FHIT: variants seen among roughly 807,000 people sequenced by gnomAD.
FHIT encodes fragile histidine triad diadenosine triphosphatase.
Under a neutral mutation model 17.9 loss-of-function variants are expected in FHIT, and 19 were observed. The ratio of observed to expected loss-of-function variants is 1.06; its 90% CI spans 0.74 to 1.56. The LOEUF (loss-of-function observed/expected upper bound fraction) is 1.56, where lower values mean the gene tolerates loss of function less well. Among genes scored for constraint, FHIT ranks in the 40% most tolerant of loss-of-function variants. FHIT has a pLI of 0.00. For synonymous variants in FHIT, 81 were observed against 69.7 expected (o/e 1.16, Z -0.81); for missense variants, 248 against 189.2 (o/e 1.31, Z -1.82).
intron 5 of FHIT, among the ~76,000 whole-genome samples, chr3:60,398,105 G>C (rs1701521884): frequency 6.6e-6 from 1 of 152,016 alleles, no homozygotes; most frequent in African/African-American, 2.4e-5. Flanking sequence ...AATTCCTCCT[G>C]GTTGTGAGAC....
intron 4 of FHIT, among the ~76,000 whole-genome samples, chr3:60,758,652 TA>T (rs1183553936): frequency 6.6e-6 from 1 of 152,222 alleles, no homozygotes; most frequent in Non-Finnish European, 1.5e-5. Context: ...AGCTGTCGCT[TA>T]AAAATTTAGA....
chr3:60,322,785 T>C (rs897859785), intron 5 of FHIT, among the ~76,000 whole-genome samples: 10 of 152,158 alleles, frequency 6.6e-5, no homozygotes, highest in African/African-American at 1.7e-4. Flanking sequence ...GAGGAGGAAG[T>C]ACTATTTTTG....
intron 4 of FHIT, among the ~76,000 whole-genome samples, chr3:60,722,895 T>C (rs1298826999): frequency 6.6e-6 from 1 of 152,028 alleles, no homozygotes; most frequent in Non-Finnish European, 1.5e-5. Flanking sequence ...GCGAATTTTT[T>C]GTAGTTTTAG....
chr3:60,687,160 C>G (rs1310663632), intron 4 of FHIT, among the ~76,000 whole-genome samples: 2 of 152,170 alleles, frequency 1.3e-5, no homozygotes, highest in Non-Finnish European at 2.9e-5. Flanking sequence ...TAAGCTCCTC[C>G]TATTTCTAGC....
At position 60,164,132 on chromosome 3, in the gene FHIT, C is replaced by A. The variant is rs553609885; in HGVS notation, c.104-149980G>T. 4.6e-5 allele frequency among the ~76,000 whole-genome samples: 7 copies of A among 152,248 alleles called. No homozygotes were observed. In the South Asian group the frequency reaches 1.5e-3, roughly 32 times the overall value. On this transcript the variant is annotated intron_variant, in intron 5 of 9. Coordinates refer to ENST00000492590, the MANE Select transcript of FHIT (RefSeq NM_002012.4). ...ACTTAAGTAGGTAGCTAGTGGAAGACTGCTGAAGCTTTTTTGAATAAAAAA... is the reference window on the plus strand; with the variant it reads ...ACTTAAGTAGGTAGCTAGTGGAAGAATGCTGAAGCTTTTTTGAATAAAAAA...
rs746175446 is a variant in FHIT, at chr3:61,090,713, C to G, written c.-163-48614G>C. The stretch of plus-strand genomic sequence containing the variant: ...AAATAGATAGAGGCATCAACAATCA[C>G]AAGAGGGAAAGGGATGATATATGTT... On this transcript the variant is annotated intron_variant, in intron 2 of 9. Transcript: ENST00000492590. Among the ~76,000 whole-genome samples the G allele has an allele frequency of 2.0e-4, 31 of 152,042 alleles. 1 individual carries two copies. Among genetic ancestry groups the G allele is most frequent in the South Asian group, 6.2e-4 (3 of 4,820 alleles).
chr3:60,952,439 T>C (rs782798561), intron 3 of FHIT, among the ~76,000 whole-genome samples: 53 of 152,282 alleles, frequency 3.5e-4, no homozygotes, highest in Non-Finnish European at 5.7e-4. Flanking sequence ...TGGAGTTTCA[T>C]TGAAATGGAG....
chr3:59,973,672 T>C (rs1708285333), intron 7 of FHIT, among the ~76,000 whole-genome samples: 2 of 152,140 alleles, frequency 1.3e-5, no homozygotes, highest in South Asian at 2.1e-4. Context: ...GCAAGAACCA[T>C]GTTAGATTTT....
At chr3:60,486,114 T>A (rs1299546527) in intron 5 of FHIT, among the ~76,000 whole-genome samples, 1 of 152,072 alleles carries the variant, frequency 6.6e-6, no homozygotes, top group Non-Finnish European at 1.5e-5. Context: ...ATCTATGCTG[T>A]CCACTCTAAT....
intron 5 of FHIT, among the ~76,000 whole-genome samples, chr3:60,056,505 A>C (rs1388456694): frequency 6.6e-6 from 1 of 152,250 alleles, no homozygotes; most frequent in Non-Finnish European, 1.5e-5. Flanking sequence ...AGATGTACCC[A>C]AACCATCAGC....
intron 4 of FHIT, among the ~76,000 whole-genome samples, chr3:60,607,688 C>G (rs2038651665): frequency 6.6e-6 from 1 of 152,094 alleles, no homozygotes; most frequent in African/African-American, 2.4e-5. Flanking sequence ...ATTATTCCCT[C>G]TTCTCTGACA....
chr3:60,282,711 T>C lies in FHIT; in HGVS notation c.103+254149A>G, dbSNP rs533467511. Reference sequence around the variant, plus strand: ...GTGGCGACACGGAAGGAAAATGTTATGGTAAGTCTCTCAACTATCTGCACA... The same window carrying C: ...GTGGCGACACGGAAGGAAAATGTTACGGTAAGTCTCTCAACTATCTGCACA... On this transcript the variant is annotated intron_variant, in intron 5 of 9. Coordinates refer to ENST00000492590, the MANE Select transcript of FHIT (RefSeq NM_002012.4). Among the ~76,000 whole-genome samples, 97 of 152,236 alleles carry C rather than the reference T, an allele frequency of 6.4e-4. 1 individual carries two copies. Among genetic ancestry groups the C allele is most frequent in the African/African-American group, 2.1e-3 (86 of 41,562 alleles).
intron 4 of FHIT, among the ~76,000 whole-genome samples, chr3:60,669,276 T>TTTA (rs2040457325): frequency 6.6e-6 from 1 of 152,194 alleles, no homozygotes; most frequent in Non-Finnish European, 1.5e-5. Context: ...TCCTTGCAAA[T>TTTA]GGACATAGGA....
intron 8 of FHIT, among the ~76,000 whole-genome samples, chr3:59,868,034 G>GT (rs10633871): frequency 0.029 from 2,746 of 95,698 alleles, 53 homozygotes; most frequent in African/African-American, 0.061. Flanking sequence ...CTGTGGAAAT[G>GT]TTTTTTTTTT....
chr3:60,551,937 C>G (rs2036573805), intron 4 of FHIT, among the ~76,000 whole-genome samples: 1 of 151,890 alleles, frequency 6.6e-6, no homozygotes, highest in Non-Finnish European at 1.5e-5. Context: ...CTACCTAATT[C>G]AGAACATTTT....
At chr3:61,007,128 G>T (rs1460046749) in intron 3 of FHIT, among the ~76,000 whole-genome samples, 1 of 152,190 alleles carries the variant, frequency 6.6e-6, no homozygotes, top group East Asian at 1.9e-4. Context: ...CTGGGCCAAT[G>T]AAATGTTGTT....
At chr3:60,247,368 A>T (rs1705454179) in intron 5 of FHIT, among the ~76,000 whole-genome samples, 1 of 146,930 alleles carries the variant, frequency 6.8e-6, no homozygotes. Context: ...CAGAAAGAAG[A>T]AGAAAGAAGA....
At chr3:60,430,773 G>C (rs997980740) in intron 5 of FHIT, among the ~76,000 whole-genome samples, 1 of 151,920 alleles carries the variant, frequency 6.6e-6, no homozygotes, top group Non-Finnish European at 1.5e-5. Context: ...TGTAAGGTTC[G>C]ATGTACTCTA....
intron 2 of FHIT, among the ~76,000 whole-genome samples, chr3:61,083,109 T>C (rs897107831): frequency 6.6e-6 from 1 of 152,240 alleles, no homozygotes; most frequent in African/African-American, 2.4e-5. Context: ...AAACTTTCCA[T>C]TTTGATGTAC....
Sources: gnomAD v4.1 joint callset for allele counts (sites outside exome capture counted in the v4.1 genomes callset) on GRCh38, gnomAD v4.1.1 for gene constraint, MANE v1.5 for transcripts, NCBI Gene and HGNC (gene_info 2026-07-23, HGNC 2026-07-21) for gene names.